SMOC2: variants seen among roughly 807,000 people sequenced by gnomAD.
SMOC2 encodes SPARC related modular calcium binding 2.
A neutral mutation model predicts 61.4 loss-of-function variants in SMOC2; 39 were observed. The observed-to-expected ratio is 0.64, with a 90% CI of 0.49 to 0.83. SMOC2 has a LOEUF of 0.83. Ranked by LOEUF, SMOC2 falls within the 40% of genes least tolerant of loss-of-function variation. The pLI, the probability that SMOC2 is intolerant of heterozygous loss-of-function variation, is 0.00. For synonymous variants in SMOC2, 247 were observed against 239.9 expected (o/e 1.03, Z -0.27); for missense variants, 556 against 592.9 (o/e 0.94, Z 0.65).
At chr6:168,610,571 T>C (rs902289703) in intron 9 of SMOC2, among the ~76,000 whole-genome samples, 1 of 152,234 alleles carries the variant, frequency 6.6e-6, no homozygotes, top group African/African-American at 2.4e-5. Flanking sequence ...CGTTTCCTTT[T>C]GAAGTTGCTT....
At chr6:168,460,628 G>T (rs775662872) in intron 1 of SMOC2, among the ~76,000 whole-genome samples, 1 of 152,192 alleles carries the variant, frequency 6.6e-6, no homozygotes, top group Admixed American at 6.5e-5. Context: ...GTGGGGCCAG[G>T]TGTCTTGTCT....
At position 168,509,478 on chromosome 6, in the gene SMOC2, C is replaced by T. The variant is rs918797053; in HGVS notation, c.85-437C>T. ...ATCAGGAAGGATTCCCTCCCATTTC[C>T]AGATAGTGGACATTCCTGATACTCG... On this transcript the variant is annotated intron_variant, in intron 1 of 12. Transcript: ENST00000356284. Among the ~76,000 whole-genome samples, 73 of 152,110 alleles carry T rather than the reference C, an allele frequency of 4.8e-4. 1 individual carries two copies. Among genetic ancestry groups the T allele is most frequent in the Non-Finnish European group, 5.9e-5 (4 of 68,046 alleles).
intron 7 of SMOC2, among the ~76,000 whole-genome samples, chr6:168,565,207 G>A (rs1283433454): frequency 6.6e-6 from 1 of 152,194 alleles, no homozygotes; most frequent in Non-Finnish European, 1.5e-5. Context: ...AAAATCAAAT[G>A]TGAATACGGT....
chr6:168,618,558 C>G (rs1227124232), intron 9 of SMOC2, among the ~76,000 whole-genome samples: 7 of 135,048 alleles, frequency 5.2e-5, no homozygotes, highest in African/African-American at 1.7e-4. Context: ...GGCATTAAAA[C>G]GAGGGTCGAG....
chr6:168,659,714 C>G (rs200584341), intron 11 of SMOC2, among the ~76,000 whole-genome samples: 10 of 1,758 alleles, frequency 5.7e-3, no homozygotes, highest in Admixed American at 0.011. Flanking sequence ...AGGTTGTAGG[C>G]TGAGTGAGGG....
chr6:168,661,063 G>T (rs1014413703), intron 11 of SMOC2, among the ~76,000 whole-genome samples: 14 of 151,980 alleles, frequency 9.2e-5, no homozygotes, highest in Non-Finnish European at 1.6e-4. Context: ...TGAACATTGT[G>T]GTCTTGGATA....
At chr6:168,565,667 A>C (rs1784524370) in intron 7 of SMOC2, among the ~76,000 whole-genome samples, 1 of 152,224 alleles carries the variant, frequency 6.6e-6, no homozygotes, top group Non-Finnish European at 1.5e-5. Context: ...GCTTGCATTG[A>C]AAACAAAGCG....
chr6:168,622,863 C>T (rs567323833), intron 9 of SMOC2, among the ~76,000 whole-genome samples: 8 of 152,262 alleles, frequency 5.3e-5, no homozygotes, highest in African/African-American at 1.9e-4. Flanking sequence ...AGGCCACTCT[C>T]GGAGACCGAC....
chr6:168,452,429 CT>C lies in SMOC2; in HGVS notation c.84+10980del, dbSNP rs1281168325. On this transcript the variant is annotated intron_variant, in intron 1 of 12. Coordinates refer to ENST00000356284, the MANE Select transcript of SMOC2 (RefSeq NM_001166412.2). This position sits in a 1 kb window ranked among gnomAD's most constrained non-coding sequence, Gnocchi z 5.0. Reference sequence around the variant, plus strand: ...GACTGGCTAAATAGGGTGCTATTTTCTTTTTGCTGTGAGGTCAGTCCACTTT... The same window carrying C: ...GACTGGCTAAATAGGGTGCTATTTTCTTTTGCTGTGAGGTCAGTCCACTTT... Among the ~76,000 whole-genome samples the C allele has an allele frequency of 1.3e-5, 2 of 152,238 alleles. No homozygotes were observed. Among genetic ancestry groups the C allele is most frequent in the Admixed American group, 1.3e-4 (2 of 15,296 alleles).
At chr6:168,611,990 C>T (rs539429546) in intron 9 of SMOC2, among the ~76,000 whole-genome samples, 1 of 152,302 alleles carries the variant, frequency 6.6e-6, no homozygotes, top group South Asian at 2.1e-4. Context: ...GGAGACTGCA[C>T]CTCCATGTTC....
chr6:168,644,472 A>G (rs1786973288), intron 9 of SMOC2, among the ~76,000 whole-genome samples: 1 of 152,038 alleles, frequency 6.6e-6, no homozygotes, highest in East Asian at 1.9e-4. Context: ...AGCTTTTTCT[A>G]CCAGAAGACA....
intron 7 of SMOC2, among the ~76,000 whole-genome samples, chr6:168,554,573 C>T (rs1784204065): frequency 6.6e-6 from 1 of 152,180 alleles, no homozygotes; most frequent in Admixed American, 6.5e-5. Context: ...CTGCACAGGC[C>T]GTTCTGGGAC....
At position 168,475,498 on chromosome 6, in the gene SMOC2, G is replaced by C. The variant is rs774134126; in HGVS notation, c.84+34044G>C. Among the ~76,000 whole-genome samples, 1 of 152,128 alleles carries C rather than the reference G, an allele frequency of 6.6e-6. No homozygotes were observed. ...TCTCATGCGGGCTCTGAGCAAGACG[G>C]GTGAGATGTTCTGTAAACCTGTGGC... On this transcript the variant is annotated intron_variant, in intron 1 of 12. Coordinates refer to ENST00000356284, the MANE Select transcript of SMOC2 (RefSeq NM_001166412.2). The surrounding 1 kb of genome is among the most constrained non-coding windows in gnomAD (Gnocchi z 4.6).
chr6:168,558,785 G>C (rs1473024853), intron 7 of SMOC2, among the ~76,000 whole-genome samples: 1 of 146,316 alleles, frequency 6.8e-6, no homozygotes, highest in Non-Finnish European at 1.5e-5. Context: ...ACATGCGTAT[G>C]TGTGGGTGTG....
chr6:168,457,430 C>T (rs553001645), intron 1 of SMOC2, among the ~76,000 whole-genome samples: 2 of 151,068 alleles, frequency 1.3e-5, no homozygotes, highest in East Asian at 2.0e-4. Context: ...CACCCACCGA[C>T]CCTGCACTGG....
Position 168,588,445 on chromosome 6 carries a change from C to T in SMOC2, c.638-10373C>T, listed in dbSNP as rs561309652. On this transcript the variant is annotated intron_variant, in intron 7 of 12. Transcript: ENST00000356284. ...AGCTGGAGCCCCTTTTCTAAAGGCT[C>T]ATCTCATTCCCAGCCGGAGCCTCTT... is the stretch of plus-strand genomic sequence containing the variant. Among the ~76,000 whole-genome samples, 58 of 151,892 alleles carry T rather than the reference C, an allele frequency of 3.8e-4. No individual in the cohort carries two copies. In the South Asian group the frequency reaches 0.011, roughly 30 times the overall value.
intron 1 of SMOC2, among the ~76,000 whole-genome samples, chr6:168,493,080 A>G (rs1383211544): frequency 6.6e-6 from 1 of 152,010 alleles, no homozygotes; most frequent in East Asian, 1.9e-4. Context: ...TCTGTCATCC[A>G]TGCTGGAGTG....
intron 11 of SMOC2, among the ~76,000 whole-genome samples, chr6:168,656,660 C>T (rs1787332669): frequency 1.3e-5 from 2 of 152,064 alleles, no homozygotes; most frequent in Middle Eastern, 6.8e-3. Flanking sequence ...CATCGTCTGC[C>T]TCCTCTTCTC....
intron 6 of SMOC2, among the ~76,000 whole-genome samples, chr6:168,547,547 C>G (rs1167283856): frequency 6.6e-6 from 1 of 151,860 alleles, no homozygotes. Context: ...GGATGGCATA[C>G]CACACATCCA....
Sources: gnomAD v4.1 joint callset for allele counts (sites outside exome capture counted in the v4.1 genomes callset) on GRCh38, gnomAD v4.1.1 for gene constraint, Gnocchi (gnomAD v3.1) non-coding constraint, MANE v1.5 for transcripts, NCBI Gene and HGNC (gene_info 2026-07-23, HGNC 2026-07-21) for gene names.